CHL1: variants seen among roughly 807,000 people sequenced by gnomAD.
CHL1 encodes cell adhesion molecule L1 like, also known as neural cell adhesion molecule L1-like protein.
Under a neutral mutation model 141.9 loss-of-function variants are expected in CHL1, and 96 were observed. The ratio of observed to expected loss-of-function variants is 0.68; its 90% CI spans 0.57 to 0.80. The LOEUF (loss-of-function observed/expected upper bound fraction) is 0.80. Among genes scored for constraint, CHL1 ranks in the 30% least tolerant of loss-of-function variants. The probability of loss-of-function intolerance (pLI) is 0.00; values close to 1 mark genes in which losing one functional copy is unlikely to be tolerated. For synonymous variants in CHL1, 613 were observed against 502.2 expected (o/e 1.22, Z -2.95); for missense variants, 1,820 against 1,457.2 (o/e 1.25, Z -4.05).
chr3:371,935 C>T (rs1423405991), intron 15 of CHL1, among the ~76,000 whole-genome samples: 4 of 152,176 alleles, frequency 2.6e-5, no homozygotes, highest in African/African-American at 7.2e-5. Context: ...ATATTGGCCT[C>T]CACTCTCTTC....
chr3:201,779 T>A (rs1698967068), intron 1 of CHL1, among the ~76,000 whole-genome samples: 1 of 152,164 alleles, frequency 6.6e-6, no homozygotes, highest in African/African-American at 2.4e-5. Flanking sequence ...CATTCTCCCT[T>A]CTAATGTTTG....
At chr3:320,904 A>G (rs1700513565) in intron 3 of CHL1, among the ~76,000 whole-genome samples, 2 of 152,008 alleles carry the variant, frequency 1.3e-5, no homozygotes, top group Admixed American at 6.6e-5. Context: ...GAGGGTTATT[A>G]TATTAGAGGT....
intron 1 of CHL1, chr3:197,675 T>C (rs1055365331): frequency 1.3e-5 from 5 of 394,536 alleles, no homozygotes; most frequent in African/African-American, 6.4e-5. Flanking sequence ...GGGGAATCCA[T>C]GGACCGTGGG....
In CHL1 at chr3:407,212, G is replaced by C. The variant is rs1295523659; in HGVS notation, c.*1501G>C. ...CGAAATACTTAACTACTGTTTAAGT[G>C]AATTGACTTATTTCACTTTAGTTTT... On this transcript the variant is annotated 3_prime_UTR_variant, in exon 28 of 28. Transcript: ENST00000256509. 2 of 152,056 alleles carry C rather than the reference G, an allele frequency of 1.3e-5. No homozygotes were observed. The highest frequency in any genetic ancestry group is 2.9e-5 in the Non-Finnish European group (2 of 68,002). 9.4% of individuals were successfully genotyped at this position (152,056 alleles called of 1,614,324 possible).
chr3:221,884 A>G (rs1163161461), intron 1 of CHL1, among the ~76,000 whole-genome samples: 1 of 152,226 alleles, frequency 6.6e-6, no homozygotes, highest in Non-Finnish European at 1.5e-5. Context: ...TGTGTTCAGT[A>G]AAAATATAAC....
rs73817620 is a variant in CHL1, at chr3:328,417, G to C, written c.385+63G>C. ...TTAGTGAAGTGTTAAATAGGAGTTA[G>C]ATTGGGTTCCAATGAAATAAAGCAG... On this transcript the variant is annotated intron_variant, in intron 5 of 27. Transcript: ENST00000256509. 3.5e-3 allele frequency: 4,619 copies of C among 1,321,742 alleles called. 102 individuals are homozygous for C. In the African/African-American group the frequency reaches 0.053, roughly 15 times the overall value. The allele number at this position is 1,321,742 out of a possible 1,614,324, so 81.9% of individuals were successfully genotyped here. A position where few individuals can be genotyped will look rare whatever the true frequency, so the allele number is the denominator to read the frequency against.
At chr3:242,268 C>T (rs1014433302) in intron 1 of CHL1, among the ~76,000 whole-genome samples, 1 of 152,118 alleles carries the variant, frequency 6.6e-6, no homozygotes. Flanking sequence ...AGAGATCATG[C>T]ACCTACAACA....
chr3:404,195 G>A (rs553344050), intron 27 of CHL1, among the ~76,000 whole-genome samples: 3 of 152,200 alleles, frequency 2.0e-5, no homozygotes, highest in Admixed American at 6.5e-5. Context: ...TCTTTGGCTC[G>A]GAAGAGACAC....
intron 2 of CHL1, among the ~76,000 whole-genome samples, chr3:317,477 G>C (rs330900): frequency 6.6e-6 from 1 of 151,534 alleles, no homozygotes; most frequent in South Asian, 2.1e-4. Context: ...CATAATACTT[G>C]GGAAAGTCTT....
chr3:353,446 T>A (rs1009227485), intron 10 of CHL1, among the ~76,000 whole-genome samples: 1 of 152,168 alleles, frequency 6.6e-6, no homozygotes, highest in Admixed American at 6.6e-5. Context: ...TTTGGACTAG[T>A]GTATTTTAAA....
intron 2 of CHL1, among the ~76,000 whole-genome samples, chr3:270,828 G>T (rs751858430): frequency 6.6e-6 from 1 of 152,310 alleles, no homozygotes; most frequent in African/African-American, 2.4e-5. Context: ...GCTGCCAACT[G>T]GGAGCTCAGC....
At chr3:327,294 G>A (rs1701089881) in intron 4 of CHL1, among the ~76,000 whole-genome samples, 1 of 151,860 alleles carries the variant, frequency 6.6e-6, no homozygotes, top group Non-Finnish European at 1.5e-5. Context: ...AATATACAAT[G>A]CTGAATACAA....
Position 405,703 on chromosome 3 carries a change from C to G in CHL1, c.3667C>G (p.Arg1223Gly). ...NGSSTATFPLRA is the reference protein window; with the variant it reads ...NGSSTATFPLGA Reference sequence around the variant, plus strand: ...AAGTTCTACAGCAACTTTTCCCCTTCGGGCATAAACACAACATATGTAAGC... The same window carrying G: ...AAGTTCTACAGCAACTTTTCCCCTTGGGGCATAAACACAACATATGTAAGC... Residue 1223 changes from arginine (R) to glycine (G), a missense_variant, in exon 28 of 28, where the codon CGG becomes GGG. Physicochemically the swap from Arg to Gly is moderately radical, Grantham distance 125. Coordinates refer to ENST00000256509, the MANE Select transcript of CHL1 (RefSeq NM_006614.4). 1 of 1,612,160 alleles carries G rather than the reference C, an allele frequency of 6.2e-7. No individual in the cohort carries two copies. The highest frequency in any genetic ancestry group is 8.5e-7 in the Non-Finnish European group (1 of 1,178,520).
At chr3:299,581 G>C (rs528257465) in intron 2 of CHL1, among the ~76,000 whole-genome samples, 1 of 152,290 alleles carries the variant, frequency 6.6e-6, no homozygotes, top group East Asian at 1.9e-4. Flanking sequence ...ATTCATGACA[G>C]ATTAGGAGGA....
chr3:337,185 G>GT lies in CHL1; in HGVS notation c.386-3604dup, dbSNP rs1159691986. On this transcript the variant is annotated intron_variant, in intron 5 of 27. Coordinates refer to ENST00000256509, the MANE Select transcript of CHL1 (RefSeq NM_006614.4). ...TAATGGGATTTCCAAACATTCTTTT[G>GT]TTTTTGTTTTTTTTTTTTTTTTTGA... Among the ~76,000 whole-genome samples, 66 of 81,112 alleles carry GT rather than the reference G, an allele frequency of 8.1e-4. 2 individuals carry two copies. The highest frequency in any genetic ancestry group is 9.3e-4 in the Non-Finnish European group (38 of 41,050). 53.2% of individuals were successfully genotyped at this position (81,112 alleles called of 152,430 possible).
intron 2 of CHL1, among the ~76,000 whole-genome samples, chr3:286,656 G>C (rs1697184981): frequency 6.8e-6 from 1 of 147,454 alleles, no homozygotes; most frequent in African/African-American, 2.5e-5. Context: ...AGGAATAAAA[G>C]AATGGCTACT....
intron 1 of CHL1, among the ~76,000 whole-genome samples, chr3:242,425 T>A (rs1477530829): frequency 2.2e-5 from 3 of 136,194 alleles, no homozygotes; most frequent in Non-Finnish European, 4.7e-5. Context: ...TGAAACCCCG[T>A]CTCTACTAAA....
At position 393,735 on chromosome 3, in the gene CHL1, A is replaced by G. The variant is rs577919144; in HGVS notation, c.2915-958A>G. On this transcript the variant is annotated intron_variant, in intron 23 of 27. Transcript: ENST00000256509. ...CTTATATTGATTGTAGTCGTTTTTC[A>G]ATTGACTTTGTGGTCATTCACAATT... is the stretch of plus-strand genomic sequence containing the variant. Among the ~76,000 whole-genome samples, 3 of 152,232 alleles carry G rather than the reference A, an allele frequency of 2.0e-5. No homozygotes were observed. In the South Asian group the frequency reaches 6.2e-4, roughly 32 times the overall value.
chr3:343,239 A>G (rs1702481209), intron 8 of CHL1, among the ~76,000 whole-genome samples: 1 of 152,176 alleles, frequency 6.6e-6, no homozygotes, highest in Non-Finnish European at 1.5e-5. Flanking sequence ...GTATAAATAT[A>G]ATGAAATACT....
Sources: allele counts gnomAD v4.1 joint callset (sites outside exome capture counted in the v4.1 genomes callset), GRCh38; gene constraint gnomAD v4.1.1; transcripts MANE v1.5; gene names NCBI Gene and HGNC (gene_info 2026-07-23, HGNC 2026-07-21).